Variants in CERS6 observed in about 807,000 individuals in gnomAD.
CERS6 encodes the protein ceramide synthase 6.
In CERS6, 26 loss-of-function variants were observed where a neutral mutation model predicts 56.8. That is an observed-to-expected ratio of 0.46 (90% CI 0.34 to 0.63). The LOEUF is 0.63. Among genes scored for constraint, CERS6 ranks in the 30% least tolerant of loss-of-function variants. The pLI, the probability that CERS6 is intolerant of heterozygous loss-of-function variation, is 0.01. For missense variants in CERS6, 415 were observed against 467.5 expected (o/e 0.89, Z 1.04); for synonymous variants, 164 against 173.3 (o/e 0.95, Z 0.42).
At chr2:168,743,995 C>CTTTTTTTTT (rs58256507) in intron 8 of CERS6, among the ~76,000 whole-genome samples, 228 of 63,336 alleles carry the variant, frequency 3.6e-3, no homozygotes, top group Middle Eastern at 9.1e-3. Flanking sequence ...TCTTTTTTTT[C>CTTTTTTTTT]TTTTTTTTTT....
At chr2:168,670,893 T>C (rs1417956986) in intron 4 of CERS6, among the ~76,000 whole-genome samples, 1 of 151,330 alleles carries the variant, frequency 6.6e-6, no homozygotes, top group African/African-American at 2.4e-5. Flanking sequence ...TTCTGTCTGT[T>C]TGGTTTTGTT....
intron 4 of CERS6, among the ~76,000 whole-genome samples, chr2:168,654,296 C>G (rs749492693): frequency 1.4e-4 from 21 of 152,040 alleles, no homozygotes; most frequent in Non-Finnish European, 2.5e-4. Context: ...TGCCTGTAAT[C>G]CCAACAATTT....
At chr2:168,644,801 A>G (rs1473191721) in intron 4 of CERS6, among the ~76,000 whole-genome samples, 1 of 152,022 alleles carries the variant, frequency 6.6e-6, no homozygotes, top group Non-Finnish European at 1.5e-5. Context: ...ACGTATTAAA[A>G]GTAACTTCTA....
chr2:168,622,470 A>C (rs1212058879), intron 3 of CERS6, among the ~76,000 whole-genome samples: 2 of 151,670 alleles, frequency 1.3e-5, no homozygotes, highest in African/African-American at 4.8e-5. Flanking sequence ...AAAACACTAC[A>C]TATATGTGTG....
chr2:168,687,808 A>G (rs750756934), intron 4 of CERS6, among the ~76,000 whole-genome samples: 5 of 152,118 alleles, frequency 3.3e-5, no homozygotes, highest in Admixed American at 2.0e-4. Context: ...GGCTCAAGCA[A>G]TCTTCCTACC....
chr2:168,639,837 G>A (rs1316254965), intron 4 of CERS6, among the ~76,000 whole-genome samples: 1 of 152,106 alleles, frequency 6.6e-6, no homozygotes, highest in Non-Finnish European at 1.5e-5. Context: ...TGGGACAAAT[G>A]GCTTAGTGTT....
At chr2:168,679,976 C>T (rs1375359718) in intron 4 of CERS6, among the ~76,000 whole-genome samples, 1 of 152,124 alleles carries the variant, frequency 6.6e-6, no homozygotes, top group African/African-American at 2.4e-5. Context: ...AGCATGAAAC[C>T]GCAGGGAAGC....
intron 5 of CERS6, 26 bp from the exon 6 acceptor site, chr2:168,694,933 A>C (rs746036412): frequency 6.3e-7 from 1 of 1,578,040 alleles, no homozygotes. Flanking sequence ...ACTACTAATC[A>C]TTCCTTTTTT....
chr2:168,691,268 C>A (rs571550548), intron 5 of CERS6, among the ~76,000 whole-genome samples, 184 bp downstream of exon 5: 1 of 152,248 alleles, frequency 6.6e-6, no homozygotes, highest in South Asian at 2.1e-4. Flanking sequence ...TAGTGAAGTT[C>A]AGAATCAAGG....
intron 6 of CERS6, among the ~76,000 whole-genome samples, chr2:168,705,210 T>C (rs1686908682): frequency 6.6e-6 from 1 of 152,126 alleles, no homozygotes; most frequent in Non-Finnish European, 1.5e-5. Flanking sequence ...ACTTGCTTTA[T>C]AGGGTTGTTG....
intron 8 of CERS6, among the ~76,000 whole-genome samples, chr2:168,761,756 G>C (rs1684586609): frequency 6.6e-6 from 1 of 152,082 alleles, no homozygotes; most frequent in Non-Finnish European, 1.5e-5. Flanking sequence ...CCACAGAGTT[G>C]AGCCTTGTTG....
intron 3 of CERS6, among the ~76,000 whole-genome samples, chr2:168,568,611 C>G (rs542769358): frequency 1.3e-5 from 2 of 152,344 alleles, no homozygotes; most frequent in African/African-American, 4.8e-5. Context: ...CTAATGCTTA[C>G]ACATCATGTG....
chr2:168,559,456 T>C (rs991193831), intron 2 of CERS6, among the ~76,000 whole-genome samples: 7 of 152,042 alleles, frequency 4.6e-5, no homozygotes, highest in Non-Finnish European at 8.8e-5. Flanking sequence ...GTCCTCTTCC[T>C]GGTTGGCACA....
intron 4 of CERS6, among the ~76,000 whole-genome samples, chr2:168,658,680 G>A (rs1685552808): frequency 6.6e-6 from 1 of 152,174 alleles, no homozygotes; most frequent in Admixed American, 6.5e-5. Flanking sequence ...GCTAAAATTT[G>A]TATATGTATT....
chr2:168,607,406 G>A (rs542683181), intron 3 of CERS6, among the ~76,000 whole-genome samples: 6 of 152,064 alleles, frequency 3.9e-5, no homozygotes, highest in South Asian at 2.1e-4. Context: ...TGTTTGAGAC[G>A]GAGTCTTGCT....
chr2:168,563,092 G>T (rs140823124), intron 3 of CERS6, among the ~76,000 whole-genome samples: 2 of 152,266 alleles, frequency 1.3e-5, no homozygotes, highest in African/African-American at 4.8e-5. Flanking sequence ...TATTGTATTT[G>T]AGATTTTAAG....
At chr2:168,659,716 A>G (rs899911456) in intron 4 of CERS6, among the ~76,000 whole-genome samples, 1 of 151,762 alleles carries the variant, frequency 6.6e-6, no homozygotes, top group Non-Finnish European at 1.5e-5. Flanking sequence ...TTAATCACCT[A>G]AGCCATGAAC....
chr2:168,612,199 C>G (rs1191247163), intron 3 of CERS6, among the ~76,000 whole-genome samples: 1 of 152,166 alleles, frequency 6.6e-6, no homozygotes, highest in Admixed American at 6.5e-5. Flanking sequence ...CAGGATCAAA[C>G]AGACTGTGTG....
chr2:168,537,614 A>G (rs527886951), intron 1 of CERS6, among the ~76,000 whole-genome samples: 1 of 152,292 alleles, frequency 6.6e-6, no homozygotes, highest in South Asian at 2.1e-4. Flanking sequence ...GTAGCTATAT[A>G]ATATTTCAGG....
Sources: gnomAD v4.1 joint callset for allele counts (sites outside exome capture counted in the v4.1 genomes callset) on GRCh38, gnomAD v4.1.1 for gene constraint, MANE v1.5 for transcripts, NCBI Gene and HGNC (gene_info 2026-07-23, HGNC 2026-07-21) for gene names.